CFAP299: variants seen among roughly 807,000 people sequenced by gnomAD.
The protein encoded by CFAP299 is cilia and flagella associated protein 299.
Under a neutral mutation model 27.0 loss-of-function variants are expected in CFAP299, and 21 were observed. The observed-to-expected ratio is 0.78, with a 90% CI of 0.55 to 1.12. The LOEUF (loss-of-function observed/expected upper bound fraction) is 1.12. Ranked by LOEUF, CFAP299 falls within the 50% of genes most tolerant of loss-of-function variation. CFAP299 has a pLI of 0.00. For missense variants in CFAP299, 310 were observed against 276.6 expected (o/e 1.12, Z -0.86); for synonymous variants, 104 against 98.1 (o/e 1.06, Z -0.36).
intron 4 of CFAP299, among the ~76,000 whole-genome samples, chr4:80,882,069 A>G (rs1160027534): frequency 6.6e-6 from 1 of 152,162 alleles, no homozygotes; most frequent in African/African-American, 2.4e-5. Flanking sequence ...GCAAAAAAAA[A>G]GAATGAAAAA....
At chr4:80,385,953 G>A (rs571626881) in intron 2 of CFAP299, among the ~76,000 whole-genome samples, 1 of 152,234 alleles carries the variant, frequency 6.6e-6, no homozygotes, top group Non-Finnish European at 1.5e-5. Flanking sequence ...CCCGGAAACC[G>A]TGGGCGGCCC....
At position 80,497,314 on chromosome 4, in the gene CFAP299, A is replaced by C. The variant is rs1560594977; in HGVS notation, c.243-85779A>C. Among the ~76,000 whole-genome samples the C allele has an allele frequency of 2.0e-5, 3 of 152,300 alleles. No homozygotes were observed. The South Asian group carries it at 6.2e-4, about 32-fold the overall frequency. ...AAGGAGTTTCTCAAAGTAATAGTGT[A>C]ATTTTTGGTAACTAGCAAATGACTT... On this transcript the variant is annotated intron_variant, in intron 2 of 5. Coordinates refer to ENST00000358105, the MANE Select transcript of CFAP299 (RefSeq NM_152770.3).
chr4:80,685,246 A>AT (rs1328986674), intron 3 of CFAP299, among the ~76,000 whole-genome samples: 1 of 152,074 alleles, frequency 6.6e-6, no homozygotes, highest in Non-Finnish European at 1.5e-5. Flanking sequence ...CAGTGAATAT[A>AT]TTTTTTGGCT....
In CFAP299 at chr4:80,444,080, A is replaced by G. The variant is rs545108176; in HGVS notation, c.242+81196A>G. On this transcript the variant is annotated intron_variant, in intron 2 of 5. Coordinates refer to ENST00000358105, the MANE Select transcript of CFAP299 (RefSeq NM_152770.3). Reference sequence around the variant, plus strand: ...CCATGCTCATGGATAGGAAAAATCAATATTGTGAAAATGGCCACACTGCCC... The same window carrying G: ...CCATGCTCATGGATAGGAAAAATCAGTATTGTGAAAATGGCCACACTGCCC... Among the ~76,000 whole-genome samples the G allele has an allele frequency of 5.9e-5, 9 of 152,338 alleles. No homozygotes were observed. The South Asian group carries it at 1.9e-3, about 32-fold the overall frequency.
intron 3 of CFAP299, among the ~76,000 whole-genome samples, chr4:80,763,892 T>G (rs1252173557): frequency 6.6e-6 from 1 of 152,138 alleles, no homozygotes; most frequent in Non-Finnish European, 1.5e-5. Context: ...CTGGGAAAAC[T>G]AGCTAGTCAT....
At chr4:80,894,840 A>G (rs950642678) in intron 4 of CFAP299, among the ~76,000 whole-genome samples, 1 of 151,890 alleles carries the variant, frequency 6.6e-6, no homozygotes, top group African/African-American at 2.4e-5. Flanking sequence ...AGCCTTGAAA[A>G]AGAAGAAAAC....
intron 4 of CFAP299, among the ~76,000 whole-genome samples, chr4:80,916,233 G>A (rs1205588937): frequency 7.9e-6 from 1 of 126,062 alleles, no homozygotes; most frequent in African/African-American, 3.0e-5. Flanking sequence ...TTGCACTCTG[G>A]TCTGGGCAAC....
chr4:80,421,404 A>G (rs1190518208), intron 2 of CFAP299, among the ~76,000 whole-genome samples: 2 of 152,242 alleles, frequency 1.3e-5, no homozygotes, highest in Non-Finnish European at 2.9e-5. Flanking sequence ...CCAGTTAAAT[A>G]CACACTGATT....
At chr4:80,437,392 T>C (rs978324859) in intron 2 of CFAP299, among the ~76,000 whole-genome samples, 4 of 152,130 alleles carry the variant, frequency 2.6e-5, no homozygotes, top group African/African-American at 7.2e-5. Flanking sequence ...ACTCCTGAGT[T>C]AGAGATGAAG....
intron 2 of CFAP299, among the ~76,000 whole-genome samples, chr4:80,466,987 A>G (rs1186952163): frequency 6.6e-6 from 1 of 152,244 alleles, no homozygotes; most frequent in African/African-American, 2.4e-5. Flanking sequence ...AATTTTACAT[A>G]GTAGAATTTA....
At chr4:80,774,182 T>G (rs1726386676) in intron 3 of CFAP299, among the ~76,000 whole-genome samples, 1 of 151,914 alleles carries the variant, frequency 6.6e-6, no homozygotes, top group Non-Finnish European at 1.5e-5. Context: ...AATAGGCCTG[T>G]GAATTTGTGA....
chr4:80,962,153 T>G (rs1418570648), intron 5 of CFAP299, among the ~76,000 whole-genome samples: 1 of 151,996 alleles, frequency 6.6e-6, no homozygotes, highest in Admixed American at 6.6e-5. Flanking sequence ...CCACTGACTA[T>G]TGGCTGAAGA....
chr4:80,962,766 C>A (rs911384142), intron 5 of CFAP299, among the ~76,000 whole-genome samples: 2 of 151,852 alleles, frequency 1.3e-5, no homozygotes, highest in Non-Finnish European at 2.9e-5. Flanking sequence ...TAATATCATT[C>A]TTTTCTACAT....
At chr4:80,653,850 A>C (rs1206848475) in intron 3 of CFAP299, among the ~76,000 whole-genome samples, 1 of 152,162 alleles carries the variant, frequency 6.6e-6, no homozygotes, top group Non-Finnish European at 1.5e-5. Flanking sequence ...ACAATAATGT[A>C]GTAGTCTTTT....
At chr4:80,777,404 C>G (rs765254761) in intron 3 of CFAP299, among the ~76,000 whole-genome samples, 1 of 152,046 alleles carries the variant, frequency 6.6e-6, no homozygotes, top group Non-Finnish European at 1.5e-5. Flanking sequence ...TTGAAGTAGT[C>G]CTATGCTTGC....
chr4:80,614,220 G>A (rs1232199634), intron 3 of CFAP299, among the ~76,000 whole-genome samples: 1 of 152,130 alleles, frequency 6.6e-6, no homozygotes, highest in African/African-American at 2.4e-5. Context: ...AATGGAAACA[G>A]TTTTGATTAA....
At chr4:80,846,782 T>C (rs1359447819) in intron 3 of CFAP299, among the ~76,000 whole-genome samples, 1 of 152,148 alleles carries the variant, frequency 6.6e-6, no homozygotes, top group Non-Finnish European at 1.5e-5. Flanking sequence ...CATTCTTTTC[T>C]ACTCCTTTAT....
intron 2 of CFAP299, among the ~76,000 whole-genome samples, chr4:80,503,961 T>G (rs1731867037): frequency 1.3e-5 from 2 of 152,072 alleles, no homozygotes; most frequent in South Asian, 4.1e-4. Context: ...TTGTAGGAGG[T>G]AGAGATGAAT....
At chr4:80,836,941 T>A (rs1730593714) in intron 3 of CFAP299, among the ~76,000 whole-genome samples, 1 of 152,120 alleles carries the variant, frequency 6.6e-6, no homozygotes, top group South Asian at 2.1e-4. Flanking sequence ...GCATTTTATT[T>A]TTCTGAAATG....
Sources: gnomAD v4.1 joint callset for allele counts (sites outside exome capture counted in the v4.1 genomes callset) on GRCh38, gnomAD v4.1.1 for gene constraint, MANE v1.5 for transcripts, NCBI Gene and HGNC (gene_info 2026-07-23, HGNC 2026-07-21) for gene names.